Variants in CYB5R4 observed in about 807,000 individuals in gnomAD.
CYB5R4 encodes the protein cytochrome b5 reductase 4.
A neutral mutation model predicts 70.2 loss-of-function variants in CYB5R4; 55 were observed. That is an observed-to-expected ratio of 0.78 (90% CI 0.63 to 0.98). The LOEUF (loss-of-function observed/expected upper bound fraction) is 0.98, where lower values mean the gene tolerates loss of function less well. CYB5R4 is among the 50% of genes least tolerant of loss of function. The pLI is 0.00. For missense variants in CYB5R4, 562 were observed against 612.6 expected, an observed-to-expected ratio of 0.92 and a Z score of 0.87; for synonymous variants, 197 against 199.5, an observed-to-expected ratio of 0.99 and a Z score of 0.11.
In CYB5R4 at chr6:83,892,224, C is replaced by A. The variant is rs141993489; in HGVS notation, c.230-1298C>A. On this transcript the variant is annotated intron_variant, in intron 2 of 15. Coordinates refer to ENST00000369681, the MANE Select transcript of CYB5R4 (RefSeq NM_016230.4). ...GTGAATTTACTTCCTTTTGTGCTTACCTTTAAGAGACTTTATAAAGCTGGA... is the reference window on the plus strand; with the variant it reads ...GTGAATTTACTTCCTTTTGTGCTTAACTTTAAGAGACTTTATAAAGCTGGA... 6.5e-3 allele frequency among the ~76,000 whole-genome samples: 987 copies of A among 152,212 alleles called. 13 individuals are homozygous for A. The highest frequency in any genetic ancestry group is 0.022 in the African/African-American group (928 of 41,556).
intron 14 of CYB5R4, among the ~76,000 whole-genome samples, chr6:83,946,949 G>A (rs2099470712): frequency 6.6e-6 from 1 of 152,192 alleles, no homozygotes; most frequent in Admixed American, 6.5e-5. Context: ...CTGATGGATA[G>A]GAAGAATCAA....
At chr6:83,884,570 G>A (rs527743259) in intron 2 of CYB5R4, among the ~76,000 whole-genome samples, 1 of 152,242 alleles carries the variant, frequency 6.6e-6, no homozygotes, top group South Asian at 2.1e-4. Context: ...AACTACAGTT[G>A]CATATTTTAA....
At chr6:83,940,308 A>G (rs1351764705) in intron 13 of CYB5R4, 102 bp downstream of exon 13, 18 of 1,183,616 alleles carry the variant, frequency 1.5e-5, no homozygotes, top group Middle Eastern at 2.9e-4. Flanking sequence ...ACATGTTACC[A>G]TTTCCTCATT....
At chr6:83,862,338 C>G (rs1302180174) in intron 1 of CYB5R4, among the ~76,000 whole-genome samples, 3 of 152,162 alleles carry the variant, frequency 2.0e-5, no homozygotes, top group African/African-American at 7.2e-5. Context: ...AGTTTTTGGT[C>G]TCTGATTTCA....
intron 3 of CYB5R4, among the ~76,000 whole-genome samples, chr6:83,898,469 A>G (rs1372168144): frequency 6.6e-6 from 1 of 152,110 alleles, no homozygotes; most frequent in African/African-American, 2.4e-5. Flanking sequence ...TTCCATGTGA[A>G]CTTTAAAGTA....
chr6:83,926,815 A>C (rs2099467365), intron 10 of CYB5R4, among the ~76,000 whole-genome samples: 2 of 152,176 alleles, frequency 1.3e-5, no homozygotes, highest in Admixed American at 6.5e-5. Context: ...AGGGGATGGG[A>C]AGACCTATCC....
intron 4 of CYB5R4, among the ~76,000 whole-genome samples, chr6:83,913,679 A>G (rs1296974081): frequency 6.6e-6 from 1 of 152,204 alleles, no homozygotes; most frequent in Admixed American, 6.5e-5. Flanking sequence ...TTTTTGTATA[A>G]AACAAGGTGA....
intron 4 of CYB5R4, among the ~76,000 whole-genome samples, chr6:83,913,821 T>A (rs1432349914): frequency 1.3e-5 from 2 of 152,158 alleles, no homozygotes; most frequent in Admixed American, 1.3e-4. Flanking sequence ...CACTTGTGGA[T>A]ATTAGAATAT....
At chr6:83,945,778 A>G (rs2099470497) in intron 14 of CYB5R4, among the ~76,000 whole-genome samples, 1 of 152,212 alleles carries the variant, frequency 6.6e-6, no homozygotes, top group African/African-American at 2.4e-5. Context: ...CTACCATCAG[A>G]TAATACTATA....
intron 3 of CYB5R4, among the ~76,000 whole-genome samples, chr6:83,893,950 T>C (rs1290974229): frequency 2.6e-5 from 4 of 152,174 alleles, no homozygotes; most frequent in Non-Finnish European, 5.9e-5. Context: ...AGAAGGAACA[T>C]TGGGATCCGC....
At chr6:83,900,762 C>G (rs2099462792) in intron 3 of CYB5R4, among the ~76,000 whole-genome samples, 1 of 152,144 alleles carries the variant, frequency 6.6e-6, no homozygotes, top group Non-Finnish European at 1.5e-5. Flanking sequence ...GGTTTAAAGT[C>G]TGTTTCATCA....
chr6:83,894,336 AT>A (rs546296364), intron 3 of CYB5R4, among the ~76,000 whole-genome samples: 29 of 152,172 alleles, frequency 1.9e-4, no homozygotes, highest in Non-Finnish European at 1.2e-4. Context: ...TTTATTTTGT[AT>A]TTTAATGATG....
intron 2 of CYB5R4, among the ~76,000 whole-genome samples, chr6:83,873,151 A>G (rs2099457919): frequency 6.6e-6 from 1 of 152,172 alleles, no homozygotes. Context: ...AAATTAATTA[A>G]GAAATTATCA....
intron 9 of CYB5R4, among the ~76,000 whole-genome samples, chr6:83,923,073 T>C (rs1209385665): frequency 1.3e-5 from 2 of 152,202 alleles, no homozygotes; most frequent in African/African-American, 2.4e-5. Flanking sequence ...GTCTCCTTTT[T>C]ATTCTTCATT....
At chr6:83,900,352 TCTTTTA>T (rs1240406690) in intron 3 of CYB5R4, among the ~76,000 whole-genome samples, 3 of 152,198 alleles carry the variant, frequency 2.0e-5, no homozygotes, top group Non-Finnish European at 2.9e-5. Context: ...TAATTTCTGT[TCTTTTA>T]CTTTTGCTGA....
At chr6:83,899,154 AT>A (rs2099462431) in intron 3 of CYB5R4, among the ~76,000 whole-genome samples, 1 of 152,192 alleles carries the variant, frequency 6.6e-6, no homozygotes, top group Admixed American at 6.5e-5. Flanking sequence ...TACCTAATTT[AT>A]TGAGAGTTTT....
At chr6:83,940,806 A>G (rs2099469635) in intron 14 of CYB5R4, among the ~76,000 whole-genome samples, 1 of 152,130 alleles carries the variant, frequency 6.6e-6, no homozygotes, top group Non-Finnish European at 1.5e-5. Flanking sequence ...GCAACCTTAT[A>G]TATGTGTCAC....
At chr6:83,901,276 A>T (rs568648545) in intron 3 of CYB5R4, among the ~76,000 whole-genome samples, 1 of 152,222 alleles carries the variant, frequency 6.6e-6, no homozygotes, top group East Asian at 1.9e-4. Context: ...TTCTTGAAGA[A>T]TGTTGAATAT....
intron 4 of CYB5R4, among the ~76,000 whole-genome samples, chr6:83,910,654 T>C (rs192539265): frequency 6.8e-4 from 103 of 152,324 alleles, no homozygotes; most frequent in Non-Finnish European, 1.1e-3. Context: ...ATTTTGAACA[T>C]GTGTATATTC....
Sources: allele counts gnomAD v4.1 joint callset (sites outside exome capture counted in the v4.1 genomes callset), GRCh38; gene constraint gnomAD v4.1.1; transcripts MANE v1.5; gene names NCBI Gene and HGNC (gene_info 2026-07-23, HGNC 2026-07-21).